RHOBTB3: variants seen among roughly 807,000 people sequenced by gnomAD.
The protein encoded by RHOBTB3 is Rho related BTB domain containing 3.
In RHOBTB3, 47 loss-of-function variants were observed where a neutral mutation model predicts 67.2. The ratio of observed to expected loss-of-function variants is 0.70; its 90% CI spans 0.55 to 0.89. The LOEUF is 0.89. Ranked by LOEUF, RHOBTB3 falls within the 40% of genes least tolerant of loss-of-function variation. The probability of loss-of-function intolerance (pLI) is 0.00; values close to 1 mark genes in which losing one functional copy is unlikely to be tolerated. For missense variants in RHOBTB3, 631 were observed against 750.0 expected (o/e 0.84, Z 1.85); for synonymous variants, 273 against 274.2 (o/e 1.00, Z 0.04).
intron 7 of RHOBTB3, among the ~76,000 whole-genome samples, chr5:95,764,728 T>C (rs1305766293): frequency 6.6e-6 from 1 of 152,212 alleles, no homozygotes; most frequent in African/African-American, 2.4e-5. Context: ...GACTTTTCTG[T>C]TTTCTAAAAC....
chr5:95,760,811 A>G (rs543309276), intron 6 of RHOBTB3, among the ~76,000 whole-genome samples: 6 of 152,202 alleles, frequency 3.9e-5, no homozygotes, highest in Admixed American at 6.5e-5. Flanking sequence ...TTATATACTT[A>G]AAGTTTTCTA....
chr5:95,735,485 C>T (rs140506724), intron 2 of RHOBTB3, among the ~76,000 whole-genome samples: 68 of 152,244 alleles, frequency 4.5e-4, no homozygotes, highest in African/African-American at 1.5e-3. Context: ...AATGTGCCAT[C>T]GTAGGATAAA....
At chr5:95,753,491 A>G (rs1016255040) in intron 5 of RHOBTB3, among the ~76,000 whole-genome samples, 11 of 152,338 alleles carry the variant, frequency 7.2e-5, no homozygotes, top group African/African-American at 2.4e-4. Context: ...TGTAATAGAA[A>G]TAGTAGGATA....
intron 10 of RHOBTB3, among the ~76,000 whole-genome samples, chr5:95,787,684 AATTTT>A (rs1247047603): frequency 6.6e-6 from 1 of 152,224 alleles, no homozygotes; most frequent in Non-Finnish European, 1.5e-5. Context: ...GAAGGAGTGA[AATTTT>A]GATATCTGCT....
intron 3 of RHOBTB3, among the ~76,000 whole-genome samples, chr5:95,739,954 G>T (rs1014932563): frequency 2.0e-5 from 3 of 152,198 alleles, no homozygotes; most frequent in African/African-American, 4.8e-5. Context: ...TTATGGCTGT[G>T]TCCCCACACA....
chr5:95,731,783 C>A, intron 1 of RHOBTB3, 76 bp from the exon 2 acceptor site: 1 of 1,602,604 alleles, frequency 6.2e-7, no homozygotes, highest in East Asian at 2.2e-5. Flanking sequence ...CGCTGTCCCC[C>A]GCACTTCCTG....
At chr5:95,750,926 G>T (rs1745071852) in intron 4 of RHOBTB3, among the ~76,000 whole-genome samples, 2 of 152,248 alleles carry the variant, frequency 1.3e-5, no homozygotes, top group East Asian at 1.9e-4. Flanking sequence ...AAGAATCTGA[G>T]AATTTAAATA....
chr5:95,783,281 C>G (rs1746115164), intron 9 of RHOBTB3, among the ~76,000 whole-genome samples: 1 of 150,184 alleles, frequency 6.7e-6, no homozygotes, highest in South Asian at 2.1e-4. Flanking sequence ...GCCACCACAC[C>G]TGGCTAATTT....
intron 6 of RHOBTB3, among the ~76,000 whole-genome samples, chr5:95,757,963 A>C (rs1267626830): frequency 1.3e-5 from 2 of 152,248 alleles, no homozygotes; most frequent in African/African-American, 4.8e-5. Context: ...TTTACATGTT[A>C]AGAGAAAAAA....
At chr5:95,743,308 A>G (rs371876824) in intron 3 of RHOBTB3, among the ~76,000 whole-genome samples, 44 of 152,096 alleles carry the variant, frequency 2.9e-4, no homozygotes, top group Middle Eastern at 6.8e-3. Context: ...TTCTCTGCCC[A>G]GCTGCTGTCT....
chr5:95,765,266 A>C (rs1431117627), intron 7 of RHOBTB3, among the ~76,000 whole-genome samples: 1 of 152,240 alleles, frequency 6.6e-6, no homozygotes, highest in African/African-American at 2.4e-5. Flanking sequence ...ACAAGTACAG[A>C]AATCTTGCCT....
intron 8 of RHOBTB3, among the ~76,000 whole-genome samples, chr5:95,776,459 TTTATAA>T (rs1745885450): frequency 6.6e-6 from 1 of 152,016 alleles, no homozygotes; most frequent in African/African-American, 2.4e-5. Flanking sequence ...TGTAATTTAT[TTTATAA>T]TTATATTTTG....
At chr5:95,759,818 GTTGT>G (rs1341176590) in intron 6 of RHOBTB3, among the ~76,000 whole-genome samples, 2 of 152,178 alleles carry the variant, frequency 1.3e-5, no homozygotes, top group Non-Finnish European at 2.9e-5. Flanking sequence ...GAAGACAGGA[GTTGT>G]TTGTTTGTGT....
intron 11 of RHOBTB3, among the ~76,000 whole-genome samples, chr5:95,792,782 A>T (rs1746448613): frequency 6.8e-6 from 1 of 146,584 alleles, no homozygotes; most frequent in African/African-American, 2.5e-5. Context: ...ACAGAATGAG[A>T]CTCCATCTCA....
intron 1 of RHOBTB3, among the ~76,000 whole-genome samples, chr5:95,725,387 A>C (rs1337865646): frequency 6.6e-6 from 1 of 152,268 alleles, no homozygotes; most frequent in Non-Finnish European, 1.5e-5. Context: ...GGTTGTAAAA[A>C]TCTAATGAAA....
At chr5:95,728,366 G>A (rs1580386174), upstream of RHOBTB3, among the ~76,000 whole-genome samples, 1 of 152,246 alleles carries the variant, frequency 6.6e-6, no homozygotes, top group Admixed American at 6.5e-5. Flanking sequence ...TGCATGTGAT[G>A]TCTGTCCAGT....
At chr5:95,743,272 T>A (rs1173384094) in intron 3 of RHOBTB3, among the ~76,000 whole-genome samples, 1 of 152,198 alleles carries the variant, frequency 6.6e-6, no homozygotes, top group Admixed American at 6.5e-5. Context: ...CAGTTGACTT[T>A]CCTTGTTGGA....
intron 4 of RHOBTB3, among the ~76,000 whole-genome samples, chr5:95,750,002 G>A (rs144895692): frequency 6.6e-4 from 100 of 152,294 alleles, no homozygotes; most frequent in South Asian, 3.3e-3. Context: ...GGAGAAAGAC[G>A]TGGCAGTTTC....
At chr5:95,779,583 C>T (rs2112828723) in intron 8 of RHOBTB3, among the ~76,000 whole-genome samples, 1 of 152,246 alleles carries the variant, frequency 6.6e-6, no homozygotes, top group East Asian at 1.9e-4. Flanking sequence ...GCTGAGAGAG[C>T]CCTCAAAATT....
Sources: allele counts gnomAD v4.1 joint callset (sites outside exome capture counted in the v4.1 genomes callset), GRCh38; gene constraint gnomAD v4.1.1; transcripts MANE v1.5; gene names NCBI Gene and HGNC (gene_info 2026-07-23, HGNC 2026-07-21).